The following TMEM108 variants were observed in gnomAD, a reference collection of about 807,000 sequenced individuals.
TMEM108 encodes transmembrane protein 108, also known as cancer/testis antigen 124.
A neutral mutation model predicts 35.1 loss-of-function variants in TMEM108; 12 were observed. That is an observed-to-expected ratio of 0.34 (90% CI 0.22 to 0.55). The LOEUF (loss-of-function observed/expected upper bound fraction) is 0.55, where lower values mean the gene tolerates loss of function less well. TMEM108 is among the 20% of genes least tolerant of loss of function. The pLI, the probability that TMEM108 is intolerant of heterozygous loss-of-function variation, is 0.89. For synonymous variants in TMEM108, 287 were observed against 308.6 expected (o/e 0.93, Z 0.73); for missense variants, 680 against 753.3 (o/e 0.90, Z 1.14).
chr3:133,042,522 T>A (rs990893258), intron 1 of TMEM108, among the ~76,000 whole-genome samples: 1 of 152,226 alleles, frequency 6.6e-6, no homozygotes, highest in Non-Finnish European at 1.5e-5. Flanking sequence ...TCTAAAGTTA[T>A]ATGGTTAGGT....
intron 2 of TMEM108, among the ~76,000 whole-genome samples, chr3:133,213,599 A>G (rs982415381): frequency 1.3e-5 from 2 of 152,220 alleles, no homozygotes; most frequent in Non-Finnish European, 2.9e-5. Flanking sequence ...TGAGTGACAG[A>G]TGAAGTTTGT....
intron 2 of TMEM108, among the ~76,000 whole-genome samples, chr3:133,090,463 A>C (rs911455232): frequency 6.6e-6 from 1 of 152,252 alleles, no homozygotes; most frequent in African/African-American, 2.4e-5. Flanking sequence ...TATCTTTAGG[A>C]TTCTTTCCCA....
At position 133,153,252 on chromosome 3, in the gene TMEM108, G is replaced by A. The variant is rs537122894; in HGVS notation, c.-46-76014G>A. Among the ~76,000 whole-genome samples, 7 of 152,202 alleles carry A rather than the reference G, an allele frequency of 4.6e-5. No individual in the cohort carries two copies. In the East Asian group the frequency reaches 1.2e-3, roughly 25 times the overall value. On this transcript the variant is annotated intron_variant, in intron 2 of 5. Transcript: ENST00000321871. ...AAATGCCTTAAATTTCTTTGGAGCA[G>A]ATAGACTCCAAAGTCCCTTCCAGCC...
intron 2 of TMEM108, among the ~76,000 whole-genome samples, chr3:133,149,634 A>G (rs146789397): frequency 1.1e-3 from 162 of 152,258 alleles, no homozygotes; most frequent in African/African-American, 3.7e-3. Context: ...TTAACATAAC[A>G]TCCTCTAGGT....
intron 2 of TMEM108, among the ~76,000 whole-genome samples, chr3:133,135,227 A>T (rs146308136): frequency 6.7e-6 from 1 of 149,794 alleles, no homozygotes. Context: ...TCTCTCTTCT[A>T]ATAGCAAACT....
At chr3:133,263,838 G>A (rs1410445670) in intron 3 of TMEM108, among the ~76,000 whole-genome samples, 2 of 152,192 alleles carry the variant, frequency 1.3e-5, no homozygotes, top group African/African-American at 4.8e-5. Flanking sequence ...ATCCAGTTCA[G>A]AAATAATTGT....
intron 3 of TMEM108, among the ~76,000 whole-genome samples, chr3:133,318,697 A>G (rs2071227727): frequency 6.6e-6 from 1 of 152,156 alleles, no homozygotes; most frequent in African/African-American, 2.4e-5. Context: ...AAAAAGAGAA[A>G]GGGAAAATAA....
intron 2 of TMEM108, among the ~76,000 whole-genome samples, chr3:133,181,037 A>AAAAAAAAAAAAAAG (rs1945335641): frequency 7.7e-6 from 1 of 130,448 alleles, no homozygotes; most frequent in Non-Finnish European, 1.7e-5. Context: ...AAAAAAAAAA[A>AAAAAAAAAAAAAAG]ACAGCACTCC....
chr3:133,374,575 CAT>C (rs2072778885), intron 3 of TMEM108, among the ~76,000 whole-genome samples: 2 of 145,896 alleles, frequency 1.4e-5, no homozygotes, highest in East Asian at 1.9e-4. Context: ...CACACACACA[CAT>C]ATATAATTTT....
chr3:133,317,022 G>C (rs564519569), intron 3 of TMEM108, among the ~76,000 whole-genome samples: 2 of 152,152 alleles, frequency 1.3e-5, no homozygotes, highest in African/African-American at 4.8e-5. Flanking sequence ...GAAAATTCCA[G>C]TGTGGCCAGG....
At chr3:133,271,674 C>G (rs367573510) in intron 3 of TMEM108, among the ~76,000 whole-genome samples, 8 of 152,126 alleles carry the variant, frequency 5.3e-5, no homozygotes, top group African/African-American at 1.7e-4. Flanking sequence ...ACACAACAGA[C>G]GCTGCTCTGA....
At chr3:133,119,495 AT>A (rs1944326749) in intron 2 of TMEM108, 2 of 152,136 alleles carry the variant, frequency 1.3e-5, no homozygotes, top group Non-Finnish European at 2.9e-5. Flanking sequence ...AGAGTTTTTA[AT>A]AATTTCTCCA....
chr3:133,163,806 C>T (rs1181148465), intron 2 of TMEM108, among the ~76,000 whole-genome samples: 3 of 152,114 alleles, frequency 2.0e-5, no homozygotes, highest in Non-Finnish European at 4.4e-5. Flanking sequence ...GTAGCATCCT[C>T]CTCTTATTGT....
chr3:133,067,071 T>C (rs971305682), intron 2 of TMEM108, among the ~76,000 whole-genome samples: 2 of 152,194 alleles, frequency 1.3e-5, no homozygotes, highest in South Asian at 4.1e-4. Flanking sequence ...TCAATATTCT[T>C]ATTTGTGTCT....
intron 3 of TMEM108, among the ~76,000 whole-genome samples, chr3:133,275,042 G>A (rs901805072): frequency 6.6e-6 from 1 of 152,128 alleles, no homozygotes; most frequent in Non-Finnish European, 1.5e-5. Context: ...CTCTAAAAGT[G>A]GTCTTAGAAT....
chr3:133,368,579 C>G (rs571956360), intron 3 of TMEM108, among the ~76,000 whole-genome samples: 1 of 152,226 alleles, frequency 6.6e-6, no homozygotes, highest in South Asian at 2.1e-4. Flanking sequence ...GCATTTGATG[C>G]AGTTAATGTT....
intron 3 of TMEM108, among the ~76,000 whole-genome samples, chr3:133,250,689 C>A (rs1465225835): frequency 6.6e-6 from 1 of 152,162 alleles, no homozygotes; most frequent in Non-Finnish European, 1.5e-5. Flanking sequence ...GCTATATTTG[C>A]AAATCATGAA....
chr3:133,310,558 T>TTTTTTTTTC (rs2071113326), intron 3 of TMEM108, among the ~76,000 whole-genome samples: 1 of 106,488 alleles, frequency 9.4e-6, no homozygotes, highest in African/African-American at 3.9e-5. Flanking sequence ...TTTTTTTTTT[T>TTTTTTTTTC]TGCTTTCCAT....
chr3:133,332,262 C>T (rs2071405170), intron 3 of TMEM108, among the ~76,000 whole-genome samples: 2 of 152,156 alleles, frequency 1.3e-5, no homozygotes, highest in Non-Finnish European at 2.9e-5. Flanking sequence ...CAGATGGCTC[C>T]CTGTAGCTCC....
Sources: gnomAD v4.1 joint callset for allele counts (sites outside exome capture counted in the v4.1 genomes callset) on GRCh38, gnomAD v4.1.1 for gene constraint, MANE v1.5 for transcripts, NCBI Gene and HGNC (gene_info 2026-07-23, HGNC 2026-07-21) for gene names.